ZNF676: variants seen among roughly 807,000 people sequenced by gnomAD.
The protein encoded by ZNF676 is zinc finger protein 676.
ZNF676 carries 4 observed loss-of-function variants against 6.0 expected under a neutral mutation model. The observed-to-expected ratio is 0.67, with a 90% CI of 0.33 to 1.53. ZNF676 has a LOEUF of 1.53. Ranked by LOEUF, ZNF676 falls within the 40% of genes most tolerant of loss-of-function variation. The pLI, the probability that ZNF676 is intolerant of heterozygous loss-of-function variation, is 0.06. For missense variants in ZNF676, 644 were observed against 679.7 expected (o/e 0.95, Z 0.58); for synonymous variants, 198 against 223.1 (o/e 0.89, Z 1.00).
rs201088057 is a variant in ZNF676, at chr19:22,188,685, G to GA, written c.130+4330dup. ...AAGTCTCAGGATAGAAAATCAATGT[G>GA]AAAAAATCACAAGCATTCTTATACA... On this transcript the variant is annotated intron_variant, in intron 2 of 2. Coordinates refer to ENST00000397121, the MANE Select transcript of ZNF676 (RefSeq NM_001001411.3). Among the ~76,000 whole-genome samples, 425 of 152,152 alleles carry GA rather than the reference G, an allele frequency of 2.8e-3. 2 individuals are homozygous for GA. The highest frequency in any genetic ancestry group is 9.9e-3 in the African/African-American group (411 of 41,514).
Position 22,196,508 on chromosome 19 carries a change from G to A in ZNF676, c.34+92C>T, listed in dbSNP as rs184254517. On this transcript the variant is annotated intron_variant, in intron 1 of 2. Coordinates refer to ENST00000397121, the MANE Select transcript of ZNF676 (RefSeq NM_001001411.3). ...CTCTTTTGTCTTTGTCTGTATTCTC[G>A]CATTCATCCTCCTTTGTTCAGTCCA... The A allele has an allele frequency of 3.4e-4, 552 of 1,600,190 alleles. 2 individuals are homozygous for A. Among genetic ancestry groups the A allele is most frequent in the Non-Finnish European group, 4.0e-4 (475 of 1,173,186 alleles).
intron 1 of ZNF676, among the ~76,000 whole-genome samples, chr19:22,193,705 T>A (rs916630160): frequency 6.6e-6 from 1 of 152,048 alleles, no homozygotes; most frequent in Admixed American, 6.6e-5. Flanking sequence ...ATACAAAAAA[T>A]TTTGCATGCT....
rs1175760827 is a variant in ZNF676 at position 22,180,261 on chromosome 19, A to G, written c.1456T>C (p.Phe486Leu). 6.2e-7 allele frequency: 1 copy of G among 1,612,700 alleles called. No individual in the cohort carries two copies. The highest frequency in any genetic ancestry group is 1.7e-5 in the Admixed American group (1 of 59,976). The change falls in exon 3 of 3, where the codon TTT becomes CTT. Residue 486 changes from phenylalanine (F) to leucine (L), a missense_variant. Phe to Leu is a conservative substitution (Grantham distance 22). Around this residue, in one of 5 missense-constraint regions of ZNF676, gnomAD observed 306 missense variants for 265.4 expected, o/e 1.15. Coordinates refer to ENST00000397121, the MANE Select transcript of ZNF676 (RefSeq NM_001001411.3). ...TTAGTAAGGATTGAGAACGTACTAA[A>G]GCCTTTGCCACATTCTTCACATTTG... ...PYKCEECGKG[F>L]STFSILTKHK...
intron 1 of ZNF676, among the ~76,000 whole-genome samples, chr19:22,196,194 T>C (rs774359636): frequency 1.4e-4 from 22 of 152,132 alleles, no homozygotes; most frequent in Non-Finnish European, 2.5e-4. Context: ...AACAGCAAAC[T>C]GTTTATCATG....
the ZNF676 span, among the ~76,000 whole-genome samples, chr19:22,256,922 T>C: frequency 6.6e-6 from 1 of 151,840 alleles, no homozygotes; most frequent in African/African-American, 2.4e-5. Context: ...GGCCCAAACA[T>C]AAAAGGAGAG....
intron 2 of ZNF676, among the ~76,000 whole-genome samples, chr19:22,186,852 G>A (rs1286426691): frequency 4.6e-5 from 7 of 151,984 alleles, no homozygotes; most frequent in East Asian, 3.9e-4. Flanking sequence ...ATATATATGC[G>A]CCCAACACAG....
the ZNF676 span, among the ~76,000 whole-genome samples, chr19:22,251,988 G>A: frequency 7.9e-5 from 12 of 152,164 alleles, no homozygotes; most frequent in Non-Finnish European, 1.5e-4. Flanking sequence ...TGCTCTTTGT[G>A]TAGAAATGCA....
At position 22,180,048 on chromosome 19, in the gene ZNF676, C is replaced by T. The variant is rs776518599; in HGVS notation, c.1669G>A (p.Gly557Arg). 1.9e-6 allele frequency: 3 copies of T among 1,613,830 alleles called. No individual in the cohort carries two copies. The highest frequency in any genetic ancestry group is 2.5e-6 in the Non-Finnish European group (3 of 1,179,818). ...TCTTCACATTTGTAGGGTTTCTCTC[C>T]AGTATGAATTCTCTTGTGTCTAGTA... ...SLTRHKRIHT[G>R]EKPYKCEECG... The change falls in exon 3 of 3, where the codon GGA becomes AGA. Residue 557 changes from glycine (G) to arginine (R), a missense_variant. Transcript: ENST00000397121.
chr19:22,229,772 A>C, the ZNF676 span, among the ~76,000 whole-genome samples: 1 of 152,232 alleles, frequency 6.6e-6, no homozygotes, highest in Non-Finnish European at 1.5e-5. Flanking sequence ...TAGTCATGAG[A>C]GAAATGTAAA....
intron 1 of ZNF676, among the ~76,000 whole-genome samples, chr19:22,213,362 C>T (rs183122392): frequency 1.3e-5 from 2 of 152,276 alleles, no homozygotes; most frequent in Non-Finnish European, 2.9e-5. Context: ...GTTTCCCCTT[C>T]AATACCGGCA....
upstream of ZNF676, among the ~76,000 whole-genome samples, chr19:22,198,790 C>A (rs928995556): frequency 6.6e-6 from 1 of 151,856 alleles, no homozygotes; most frequent in Non-Finnish European, 1.5e-5. Context: ...AGGAGCCATC[C>A]CCTGACACAG....
At chr19:22,220,533 C>T (rs1297977494), upstream of ZNF676, among the ~76,000 whole-genome samples, 2 of 150,322 alleles carry the variant, frequency 1.3e-5, no homozygotes, top group African/African-American at 4.9e-5. Context: ...TGTTGACTCA[C>T]TGCAAACTTG....
upstream of ZNF676, among the ~76,000 whole-genome samples, chr19:22,220,461 G>GTT (rs58810797): frequency 4.0e-4 from 46 of 115,392 alleles, no homozygotes; most frequent in Non-Finnish European, 4.7e-4. Flanking sequence ...TTTGTTGGCA[G>GTT]TTTTTTTTTT....
the ZNF676 span, among the ~76,000 whole-genome samples, chr19:22,235,353 T>A: frequency 2.0e-5 from 3 of 152,100 alleles, no homozygotes; most frequent in African/African-American, 7.2e-5. Context: ...TGGACCACAC[T>A]CAGAACTGGC....
upstream of ZNF676, among the ~76,000 whole-genome samples, chr19:22,197,913 T>C (rs2023985999): frequency 6.6e-6 from 1 of 152,160 alleles, no homozygotes; most frequent in Non-Finnish European, 1.5e-5. Context: ...TAAATTATAG[T>C]CTGAATTTAA....
At chr19:22,196,176 T>C (rs1174898292) in intron 1 of ZNF676, among the ~76,000 whole-genome samples, 3 of 152,148 alleles carry the variant, frequency 2.0e-5, no homozygotes, top group Non-Finnish European at 4.4e-5. Flanking sequence ...CTGGAGGCTA[T>C]ATGATCAAAC....
At chr19:22,238,461 C>T in the ZNF676 span, among the ~76,000 whole-genome samples, 1 of 152,112 alleles carries the variant, frequency 6.6e-6, no homozygotes, top group Admixed American at 6.5e-5. Flanking sequence ...ATCCCTAGGA[C>T]TATCAGTGTT....
the ZNF676 span, among the ~76,000 whole-genome samples, chr19:22,234,699 C>T: frequency 3.4e-4 from 52 of 152,064 alleles, no homozygotes; most frequent in South Asian, 9.6e-3. Context: ...TTTGGGAAGC[C>T]GAGGCAAACA....
In ZNF676 at chr19:22,190,328, C is replaced by T. The variant is rs190502927; in HGVS notation, c.130+2688G>A. Among the ~76,000 whole-genome samples, 6 of 151,940 alleles carry T rather than the reference C, an allele frequency of 3.9e-5. No individual in the cohort carries two copies. The South Asian group carries it at 8.3e-4, about 21-fold the overall frequency. On this transcript the variant is annotated intron_variant, in intron 2 of 2. Transcript: ENST00000397121. ...ACAGGAATTTAACAAAACACTCGAGCACGCTCTTATGCAAAGGTTGTAATA... is the reference window on the plus strand; with the variant it reads ...ACAGGAATTTAACAAAACACTCGAGTACGCTCTTATGCAAAGGTTGTAATA...
Sources: allele counts gnomAD v4.1 joint callset (sites outside exome capture counted in the v4.1 genomes callset), GRCh38; gene constraint gnomAD v4.1.1; regional missense constraint gnomAD v4.1.1; transcripts MANE v1.5; gene names NCBI Gene and HGNC (gene_info 2026-07-23, HGNC 2026-07-21).